Variants in CHD9 observed in about 807,000 individuals in gnomAD.
The protein encoded by CHD9 is ATP-dependent chromatin remodeler CHD9.
In CHD9, 77 loss-of-function variants were observed where a neutral mutation model predicts 316.1. That is an observed-to-expected ratio of 0.24 (90% CI 0.20 to 0.29). The LOEUF is 0.29. CHD9 is among the 10% of genes least tolerant of loss of function. CHD9 has a pLI of 1.00. For synonymous variants in CHD9, 1,129 were observed against 1,158.3 expected (o/e 0.97, Z 0.51); for missense variants, 2,763 against 3,438.1 (o/e 0.80, Z 4.91).
In CHD9 at chr16:53,109,677, C is replaced by CTTTTTTTTTT. The variant is rs1166073629; in HGVS notation, c.-164-46233_-164-46224dup. On this transcript the variant is annotated intron_variant, in intron 1 of 38. Coordinates refer to ENST00000447540, the MANE Select transcript of CHD9 (RefSeq NM_001308319.2). The stretch of plus-strand genomic sequence containing the variant: ...GCCTAAAAATTTGGATTCCCAGTTT[C>CTTTTTTTTTT]TTTTTTTTTTTTTTTTTTTTTTTTT... 4.6e-3 allele frequency among the ~76,000 whole-genome samples: 328 copies of CTTTTTTTTTT among 71,592 alleles called. 10 individuals carry two copies. Among genetic ancestry groups the CTTTTTTTTTT allele is most frequent in the Non-Finnish European group, 6.2e-3 (251 of 40,262 alleles). The allele number at this position is 71,592 out of a possible 152,430, so 47.0% of individuals were successfully genotyped here.
intron 1 of CHD9, among the ~76,000 whole-genome samples, chr16:53,144,949 G>T (rs58328700): frequency 6.8e-6 from 1 of 146,524 alleles, no homozygotes; most frequent in African/African-American, 2.5e-5. Context: ...CTATGATCAT[G>T]CCACCACTGT....
chr16:53,258,247 T>A (rs1045292419), intron 19 of CHD9, among the ~76,000 whole-genome samples: 1 of 152,180 alleles, frequency 6.6e-6, no homozygotes, highest in Non-Finnish European at 1.5e-5. Flanking sequence ...TTTCCTACTT[T>A]ACTATACAGT....
chr16:53,144,766 C>T (rs1048377148), intron 1 of CHD9, among the ~76,000 whole-genome samples: 1 of 152,030 alleles, frequency 6.6e-6, no homozygotes, highest in Non-Finnish European at 1.5e-5. Flanking sequence ...CCTCGTGATT[C>T]GCCCACCTCA....
At chr16:53,275,163 C>A (rs1027530237) in intron 24 of CHD9, among the ~76,000 whole-genome samples, 3 of 152,146 alleles carry the variant, frequency 2.0e-5, no homozygotes, top group African/African-American at 7.2e-5. Context: ...CCCTGAGTAG[C>A]TGGGATTACA....
chr16:53,254,350 C>A, intron 17 of CHD9, 88 bp from the exon 18 acceptor site: 1 of 900,412 alleles, frequency 1.1e-6, no homozygotes, highest in African/African-American at 1.7e-5. Context: ...TCTAAGAATT[C>A]TTGTATGTGT....
At position 53,188,507 on chromosome 16, in the gene CHD9, C is replaced by T. The variant is rs145647209; in HGVS notation, c.1453-20975C>T. 1.5e-3 allele frequency among the ~76,000 whole-genome samples: 207 copies of T among 137,928 alleles called. 1 individual carries two copies. The East Asian group carries it at 0.031, about 21-fold the overall frequency. 90.5% of individuals were successfully genotyped at this position (137,928 alleles called of 152,430 possible). A position where few individuals can be genotyped will look rare whatever the true frequency, so the allele number is the denominator to read the frequency against. ...TATGTCTTTTTTTTATTGTAGCCAT[C>T]TTGGTATAAAGTAATGTCTTGTTGT... On this transcript the variant is annotated intron_variant, in intron 2 of 38. Transcript: ENST00000447540.
chr16:53,138,644 G>T lies in CHD9; in HGVS notation c.-164-17282G>T, dbSNP rs779767354. 2.6e-5 allele frequency among the ~76,000 whole-genome samples: 4 copies of T among 152,294 alleles called. No homozygotes were observed. The South Asian group carries it at 8.3e-4, about 32-fold the overall frequency. ...GGACAATTAGAGGCTTCATATAGAA[G>T]ATAGATTTGTCTTTAGCTTTTGTTG... On this transcript the variant is annotated intron_variant, in intron 1 of 38. Transcript: ENST00000447540.
chr16:53,265,960 A>G (rs1176775765), intron 20 of CHD9, among the ~76,000 whole-genome samples: 1 of 151,870 alleles, frequency 6.6e-6, no homozygotes, highest in Non-Finnish European at 1.5e-5. Flanking sequence ...TAAGAAAAAA[A>G]TACAATTAGT....
At chr16:53,114,975 G>A (rs1156255648) in intron 1 of CHD9, among the ~76,000 whole-genome samples, 2 of 152,216 alleles carry the variant, frequency 1.3e-5, no homozygotes, top group South Asian at 2.1e-4. Flanking sequence ...GCTAAATGAA[G>A]GGATTTGTTG....
chr16:53,075,972 C>T (rs2034488903), intron 1 of CHD9, among the ~76,000 whole-genome samples: 1 of 152,118 alleles, frequency 6.6e-6, no homozygotes, highest in Admixed American at 6.6e-5. Flanking sequence ...GTGTGAGTGG[C>T]ATCTCATTAT....
intron 1 of CHD9, among the ~76,000 whole-genome samples, chr16:53,082,626 G>T (rs888021448): frequency 6.6e-5 from 10 of 152,210 alleles, no homozygotes; most frequent in Non-Finnish European, 1.3e-4. Context: ...CCACTGCCCT[G>T]TTGGTCCCTT....
At chr16:53,146,429 A>ATATATATATATATATATATATATG in intron 1 of CHD9, among the ~76,000 whole-genome samples, 1 of 130,614 alleles carries the variant, frequency 7.7e-6, no homozygotes, top group Non-Finnish European at 1.6e-5. Context: ...GTATATATAT[A>ATATATATATATATATATATATATG]TATATATAAT....
chr16:53,303,870 C>T lies in CHD9; in HGVS notation c.5864C>T (p.Pro1955Leu), dbSNP rs1167641589. Reference protein sequence around the residue: ...FERLKLCHPNPDLPVWWECGP... With the variant: ...FERLKLCHPNLDLPVWWECGP... ...CGCTTGAAGCTTTGCCATCCAAATC[C>T]AGATTTACCAGTCTGGTGGGAATGT... is the stretch of plus-strand genomic sequence containing the variant. The change falls in exon 31 of 39, where the codon CCA (proline) becomes CTA (leucine). Residue 1955 changes from proline (P) to leucine (L), a missense_variant. By Grantham distance (98) the Pro-to-Leu change is moderately conservative. Coordinates refer to ENST00000447540, the MANE Select transcript of CHD9 (RefSeq NM_001308319.2). 5.0e-6 allele frequency: 8 copies of T among 1,613,998 alleles called. No individual in the cohort carries two copies. Among genetic ancestry groups the T allele is most frequent in the Admixed American group, 3.3e-5 (2 of 60,020 alleles).
At position 53,304,455 on chromosome 16, in the gene CHD9, C is replaced by T; in HGVS notation, c.6449C>T (p.Ser2150Phe). ...TCTTGTTCTTCCAGATCATCTTCTT[C>T]CTCATCATCCTCTTCTTGCTCCCAC... ...RSSCSSRSSSSSSSSSCSHSR... is the reference protein window; with the variant it reads ...RSSCSSRSSSFSSSSSCSHSR... The change falls in exon 31 of 39, where the codon TCC (serine) becomes TTC (phenylalanine). Residue 2150 changes from serine (S) to phenylalanine (F), a missense_variant. This residue lies in a region of CHD9 where 663 missense variants were observed against 751.2 expected (regional missense o/e 0.88). Coordinates refer to ENST00000447540, the MANE Select transcript of CHD9 (RefSeq NM_001308319.2). 1.3e-6 allele frequency: 2 copies of T among 1,573,604 alleles called. No homozygotes were observed. The highest frequency in any genetic ancestry group is 1.7e-6 in the Non-Finnish European group (2 of 1,159,498).
At chr16:53,187,985 G>A (rs1471731887) in intron 2 of CHD9, among the ~76,000 whole-genome samples, 2 of 152,186 alleles carry the variant, frequency 1.3e-5, no homozygotes, top group African/African-American at 2.4e-5. Context: ...TCCCACATCT[G>A]TTAGCAGTCG....
intron 1 of CHD9, among the ~76,000 whole-genome samples, chr16:53,077,563 G>A (rs865872182): frequency 1.3e-5 from 2 of 152,116 alleles, no homozygotes; most frequent in Middle Eastern, 3.4e-3. Flanking sequence ...TTCTGACTTC[G>A]TGATCCGCCT....
At chr16:53,241,418 C>G (rs1201594880) in intron 12 of CHD9, among the ~76,000 whole-genome samples, 1 of 152,230 alleles carries the variant, frequency 6.6e-6, no homozygotes, top group East Asian at 1.9e-4. Context: ...ATACACATAA[C>G]TTTGAATACC....
chr16:53,116,260 G>A (rs1414310639), intron 1 of CHD9, among the ~76,000 whole-genome samples: 3 of 152,068 alleles, frequency 2.0e-5, no homozygotes, highest in South Asian at 2.1e-4. Flanking sequence ...GGGTTTCACC[G>A]TGCTGGCCAG....
chr16:53,273,644 C>T lies in CHD9; in HGVS notation c.4736C>T (p.Pro1579Leu). ...TTAACAGGCCTATCAGCTCCTGTAC[C>T]CAGGGGTCGAAAAGGGAAGAAAGTA... ...QNHLGLSAPV[P>L]RGRKGKKVKT... The change falls in exon 23 of 39, where the codon CCC becomes CTC. Residue 1579 changes from proline to leucine, a missense_variant. By Grantham distance (98) the Pro-to-Leu change is moderately conservative (BLOSUM62 -3). Around this residue, in one of 15 missense-constraint regions of CHD9, gnomAD observed 99 missense variants for 131.6 expected, o/e 0.75. Coordinates refer to ENST00000447540, the MANE Select transcript of CHD9 (RefSeq NM_001308319.2). The T allele has an allele frequency of 6.2e-7, 1 of 1,609,258 alleles. No individual in the cohort carries two copies. The highest frequency in any genetic ancestry group is 8.5e-7 in the Non-Finnish European group (1 of 1,177,322).
Sources: allele counts gnomAD v4.1 joint callset (sites outside exome capture counted in the v4.1 genomes callset), GRCh38; gene constraint gnomAD v4.1.1; regional missense constraint gnomAD v4.1.1; transcripts MANE v1.5; gene names NCBI Gene and HGNC (gene_info 2026-07-23, HGNC 2026-07-21).